The following GPC5 variants were observed in gnomAD, a reference collection of about 807,000 sequenced individuals.
The protein encoded by GPC5 is glypican-5.
Under a neutral mutation model 53.9 loss-of-function variants are expected in GPC5, and 47 were observed. The ratio of observed to expected loss-of-function variants is 0.87; its 90% CI spans 0.69 to 1.11. The LOEUF is 1.11. Among genes scored for constraint, GPC5 ranks in the 50% most tolerant of loss-of-function variants. The probability of loss-of-function intolerance (pLI) is 0.00; values close to 1 mark genes in which losing one functional copy is unlikely to be tolerated. For missense variants in GPC5, 748 were observed against 713.1 expected (o/e 1.05, Z -0.56); for synonymous variants, 286 against 263.3 (o/e 1.09, Z -0.84).
chr13:91,704,052 T>C (rs895002515), intron 3 of GPC5, among the ~76,000 whole-genome samples: 2 of 152,226 alleles, frequency 1.3e-5, no homozygotes, highest in African/African-American at 4.8e-5. Flanking sequence ...ATTTTCTTTC[T>C]GGTTGATCTA....
intron 7 of GPC5, among the ~76,000 whole-genome samples, chr13:92,854,904 C>T (rs572809757): frequency 1.1e-3 from 162 of 151,994 alleles, no homozygotes; most frequent in African/African-American, 3.8e-3. Flanking sequence ...TTACATTTGT[C>T]TATTTTTATT....
intron 7 of GPC5, among the ~76,000 whole-genome samples, chr13:92,676,700 C>A (rs1886952122): frequency 6.6e-6 from 1 of 152,104 alleles, no homozygotes; most frequent in East Asian, 1.9e-4. Context: ...GACTATTCAA[C>A]CTGCCCATTA....
intron 7 of GPC5, among the ~76,000 whole-genome samples, chr13:92,474,099 G>C (rs1431524778): frequency 1.3e-5 from 2 of 150,962 alleles, no homozygotes; most frequent in Admixed American, 6.6e-5. Context: ...AGCATAAACT[G>C]TTTCTTTCTA....
rs908445779 is a variant in GPC5 at position 91,492,323 on chromosome 13, T to C, written c.325+43401T>C. The stretch of plus-strand genomic sequence containing the variant: ...AATGAGATTTATTACAGGAATTGGC[T>C]TACACAGTTATGGAGACCGAGAAGT... On this transcript the variant is annotated intron_variant, in intron 2 of 7. Transcript: ENST00000377067. 7.2e-5 allele frequency among the ~76,000 whole-genome samples: 11 copies of C among 152,288 alleles called. 1 individual carries two copies. In the South Asian group the frequency reaches 2.1e-3, roughly 29 times the overall value.
intron 1 of GPC5, among the ~76,000 whole-genome samples, chr13:91,432,226 T>TGTGTGG (rs1386933016): frequency 8.7e-5 from 13 of 149,452 alleles, no homozygotes; most frequent in African/African-American, 2.5e-4. Flanking sequence ...TGTGTGTGTG[T>TGTGTGG]GTGTGTGTGT....
chr13:91,882,819 G>A (rs1469796037), intron 5 of GPC5, among the ~76,000 whole-genome samples: 3 of 151,470 alleles, frequency 2.0e-5, no homozygotes, highest in Non-Finnish European at 2.9e-5. Flanking sequence ...ATATTAGGCT[G>A]GTGCAAAAGT....
chr13:92,567,729 G>A (rs1882905229), intron 7 of GPC5, among the ~76,000 whole-genome samples: 1 of 152,110 alleles, frequency 6.6e-6, no homozygotes, highest in African/African-American at 2.4e-5. Flanking sequence ...TTCCTTTGGC[G>A]CTTCCAGGGG....
chr13:92,752,109 C>T (rs1008141487), intron 7 of GPC5, among the ~76,000 whole-genome samples: 2 of 149,882 alleles, frequency 1.3e-5, no homozygotes, highest in African/African-American at 4.9e-5. Context: ...GTTTCTCAAA[C>T]TTGGCATTAC....
At chr13:91,527,200 C>T (rs1210406205) in intron 2 of GPC5, among the ~76,000 whole-genome samples, 1 of 152,208 alleles carries the variant, frequency 6.6e-6, no homozygotes, top group African/African-American at 2.4e-5. Context: ...AAAACAACTC[C>T]CTTCCAACTA....
intron 2 of GPC5, among the ~76,000 whole-genome samples, chr13:91,656,576 C>T (rs371334633): frequency 2.0e-5 from 3 of 152,020 alleles, no homozygotes; most frequent in South Asian, 4.1e-4. Flanking sequence ...TTTTAAAAAA[C>T]AACAAAAATA....
chr13:92,359,999 A>G (rs911372225), intron 7 of GPC5, among the ~76,000 whole-genome samples: 3 of 151,630 alleles, frequency 2.0e-5, no homozygotes, highest in Non-Finnish European at 4.4e-5. Flanking sequence ...CATATTTTGC[A>G]AATATTTTCT....
At chr13:92,701,837 ATGGAATTCATTCTGGGAAGAAATAC>A (rs1187937725) in intron 7 of GPC5, among the ~76,000 whole-genome samples, 1 of 152,126 alleles carries the variant, frequency 6.6e-6, no homozygotes, top group Non-Finnish European at 1.5e-5. Context: ...ACATCTAAAA[ATGGAATTCATTCTGGGAAGAAATAC>A]TAGGGAAAAT....
intron 7 of GPC5, among the ~76,000 whole-genome samples, chr13:92,589,042 A>C (rs1302695286): frequency 6.6e-6 from 1 of 152,204 alleles, no homozygotes; most frequent in Admixed American, 6.5e-5. Flanking sequence ...GAAGAAAAAC[A>C]TGTGGCAGTT....
At chr13:92,625,951 A>C (rs2139122754) in intron 7 of GPC5, among the ~76,000 whole-genome samples, 1 of 152,308 alleles carries the variant, frequency 6.6e-6, no homozygotes, top group East Asian at 1.9e-4. Context: ...TAACTTTTTC[A>C]GGAGCCTGTG....
intron 6 of GPC5, among the ~76,000 whole-genome samples, chr13:91,998,248 T>C (rs914619624): frequency 5.3e-5 from 8 of 152,224 alleles, no homozygotes; most frequent in African/African-American, 1.7e-4. Flanking sequence ...TCTGTACCAA[T>C]ACTATCCAGT....
intron 7 of GPC5, among the ~76,000 whole-genome samples, chr13:92,167,747 A>T (rs978318892): frequency 2.6e-5 from 4 of 152,298 alleles, no homozygotes; most frequent in Admixed American, 6.5e-5. Context: ...TACTGGTCTG[A>T]ATCATGTGGA....
chr13:91,997,188 T>G (rs2138746162), intron 6 of GPC5, among the ~76,000 whole-genome samples: 1 of 152,256 alleles, frequency 6.6e-6, no homozygotes. Flanking sequence ...TATATGATGG[T>G]TCTGTTTTGC....
chr13:91,693,791 C>A lies in GPC5; in HGVS notation c.930C>A (p.Tyr310Ter), dbSNP rs1035490224. The A allele has an allele frequency of 1.2e-6, 2 of 1,613,920 alleles. No individual in the cohort carries two copies. The highest frequency in any genetic ancestry group is 1.7e-6 in the Non-Finnish European group (2 of 1,180,010). The change falls in exon 3 of 8, where the codon TAC becomes TAA. Residue 310 changes from tyrosine to a stop codon, truncating the protein, a stop_gained. Transcript: ENST00000377067. LOFTEE classifies it high-confidence loss of function. ...EELSDAMHGT[Y>*]DIGHVLLNFH... ...TCTCGGATGCAATGCATGGAACATA[C>A]GACATTGGACACGTGCTGCTGAACT...
chr13:91,496,068 T>C (rs1304128317), intron 2 of GPC5, among the ~76,000 whole-genome samples: 1 of 152,106 alleles, frequency 6.6e-6, no homozygotes, highest in Non-Finnish European at 1.5e-5. Context: ...AAATTAGATC[T>C]TGTAATCTTT....
Sources: allele counts gnomAD v4.1 joint callset (sites outside exome capture counted in the v4.1 genomes callset), GRCh38; gene constraint gnomAD v4.1.1; transcripts MANE v1.5; gene names NCBI Gene and HGNC (gene_info 2026-07-23, HGNC 2026-07-21).